The following CCNB3 variants were observed in gnomAD, a reference collection of about 807,000 sequenced individuals.
The protein encoded by CCNB3 is G2/mitotic-specific cyclin-B3.
A neutral mutation model predicts 68.0 loss-of-function variants in CCNB3; 12 were observed. The ratio of observed to expected loss-of-function variants is 0.18; its 90% CI spans 0.11 to 0.29. CCNB3 has a LOEUF of 0.29. Among genes scored for constraint, CCNB3 ranks in the 10% least tolerant of loss-of-function variants. CCNB3 has a pLI of 1.00. For missense variants in CCNB3, 904 were observed against 993.1 expected (o/e 0.91, Z 1.21); for synonymous variants, 354 against 388.9 (o/e 0.91, Z 1.06).
intron 9 of CCNB3, among the ~76,000 whole-genome samples, chrX:50,344,865 A>G (rs1923320930): frequency 9.0e-6 from 1 of 111,386 alleles, no homozygotes; most frequent in Non-Finnish European, 1.9e-5. Context: ...GTGCTAACTG[A>G]TCTTGTTCAA....
chrX:50,228,856 CTAGAATATATATG>C (rs1265873204), intron 1 of CCNB3, among the ~76,000 whole-genome samples: 41 of 53,615 alleles, frequency 7.6e-4, no homozygotes, highest in African/African-American at 1.9e-3. Flanking sequence ...GAATATATAT[CTAGAATATATATG>C]TAGAATATAT....
intron 8 of CCNB3, among the ~76,000 whole-genome samples, chrX:50,315,305 A>G (rs1557215620): frequency 8.9e-6 from 1 of 111,853 alleles, no homozygotes; most frequent in Non-Finnish European, 1.9e-5. Context: ...AGAAAATACC[A>G]TATTGTTTTT....
chrX:50,287,491 C>T (rs946229249), intron 3 of CCNB3, among the ~76,000 whole-genome samples: 4 of 111,874 alleles, frequency 3.6e-5, no homozygotes, highest in Non-Finnish European at 5.6e-5. Flanking sequence ...ACAGTTCATA[C>T]GAACTTTTAA....
intron 5 of CCNB3, among the ~76,000 whole-genome samples, chrX:50,307,624 A>AC (rs201091302): frequency 0.033 from 3,616 of 108,094 alleles, 170 homozygotes; most frequent in African/African-American, 0.12. Flanking sequence ...CTTTTTCAAT[A>AC]CCCCCCGTCC....
chrX:50,324,627 C>T (rs782424929), intron 8 of CCNB3, among the ~76,000 whole-genome samples: 204 of 111,806 alleles, frequency 1.8e-3, no homozygotes, highest in Middle Eastern at 4.6e-3. Flanking sequence ...TTAACATCTG[C>T]TTTTATTTTT....
At chrX:50,227,839 AGAGAATATATAAATATATATG>A (rs1339757834) in intron 1 of CCNB3, among the ~76,000 whole-genome samples, 10 of 84,036 alleles carry the variant, frequency 1.2e-4, no homozygotes, top group Admixed American at 1.1e-3. Flanking sequence ...AAATATATAT[AGAGAATATATAAATATATATG>A]GAGAATATAT....
At chrX:50,318,812 A>T (rs1005506154) in intron 8 of CCNB3, among the ~76,000 whole-genome samples, 3 of 111,126 alleles carry the variant, frequency 2.7e-5, no homozygotes, top group Non-Finnish European at 5.7e-5. Context: ...CTGTGCTTAA[A>T]CTCTTTATGC....
intron 1 of CCNB3, among the ~76,000 whole-genome samples, chrX:50,228,663 T>A (rs1326798226): frequency 1.2e-5 from 1 of 80,535 alleles, no homozygotes; most frequent in Non-Finnish European, 2.2e-5. Flanking sequence ...ATATATAGAA[T>A]ATATATAGAA....
intron 8 of CCNB3, 76 bp from the exon 9 acceptor site, chrX:50,342,126 A>C (rs782463700): frequency 8.9e-7 from 1 of 1,119,761 alleles, no homozygotes; most frequent in South Asian, 1.8e-5. Context: ...CAGATACTCC[A>C]GGTAGCTAGA....
chrX:50,205,771 T>A (rs1404059621), intron 1 of CCNB3, among the ~76,000 whole-genome samples: 85 of 77,099 alleles, frequency 1.1e-3, no homozygotes, highest in Middle Eastern at 0.024. Flanking sequence ...CTGGCCAACA[T>A]GGTGAAACCC....
chrX:50,212,732 T>C (rs1935502407), intron 1 of CCNB3, among the ~76,000 whole-genome samples: 1 of 111,258 alleles, frequency 9.0e-6, no homozygotes, highest in Non-Finnish European at 1.9e-5. Flanking sequence ...TCTGTCTCTA[T>C]ATATTTGCCT....
In CCNB3 at chrX:50,309,891, T is replaced by C. The variant is rs1203119579; in HGVS notation, c.1722T>C (p.Pro574=). The part of the protein sequence containing the change: ...FMEPMSFRKN[P]TTEETVLTKT... ...AGCCAATGTCATTTAGGAAGAACCCTACAACTGAGGAGACAGTACTTACCA... is the reference window on the plus strand; with the variant it reads ...AGCCAATGTCATTTAGGAAGAACCCCACAACTGAGGAGACAGTACTTACCA... The change falls in exon 6 of 13, where the codon CCT becomes CCC. Residue 574 remains proline (P), a synonymous_variant. Transcript: ENST00000376042. 8.3e-7 allele frequency: 1 copy of C among 1,209,151 alleles called. No individual in the cohort carries two copies. The highest frequency in any genetic ancestry group is 1.1e-6 in the Non-Finnish European group (1 of 894,631).
At chrX:50,226,043 A>G (rs1935754817) in intron 1 of CCNB3, among the ~76,000 whole-genome samples, 1 of 92,201 alleles carries the variant, frequency 1.1e-5, no homozygotes, top group Non-Finnish European at 2.1e-5. Flanking sequence ...TAGAATATAT[A>G]TACAAATATA....
chrX:50,317,543 T>TTATGTATTATG (rs1921787451), intron 8 of CCNB3, among the ~76,000 whole-genome samples: 1 of 99,683 alleles, frequency 1.0e-5, no homozygotes, highest in East Asian at 3.2e-4. Context: ...GTATTTAAAT[T>TTATGTATTATG]TATGTATGTA....
intron 9 of CCNB3, among the ~76,000 whole-genome samples, chrX:50,342,984 A>C (rs1174315328): frequency 1.8e-5 from 2 of 111,899 alleles, no homozygotes; most frequent in Non-Finnish European, 3.8e-5. Flanking sequence ...TGGGATTACA[A>C]GTGTGAGCCA....
rs368712672 is a variant in CCNB3 at position 50,311,279 on chromosome X, C to T, written c.3110C>T (p.Pro1037Leu). Residue 1037 changes from proline (P) to leucine (L), a missense_variant, in exon 6 of 13, where the codon CCC becomes CTC. Pro to Leu is a moderately conservative substitution (Grantham distance 98, BLOSUM62 -3). Coordinates refer to ENST00000376042, the MANE Select transcript of CCNB3 (RefSeq NM_033031.3). Reference sequence around the variant, plus strand: ...GAGCCATTGGCCTTACAAGAGAGTCCCACCTGCAAGGAAGACACCTTTCTG... The same window carrying T: ...GAGCCATTGGCCTTACAAGAGAGTCTCACCTGCAAGGAAGACACCTTTCTG... ...FKEPLALQESPTCKEDTFLET... is the reference protein window; with the variant it reads ...FKEPLALQESLTCKEDTFLET... The T allele has an allele frequency of 1.7e-6, 2 of 1,208,999 alleles. No homozygotes were observed. The highest frequency in any genetic ancestry group is 3.5e-5 in the African/African-American group (2 of 56,884).
intron 1 of CCNB3, among the ~76,000 whole-genome samples, chrX:50,279,619 T>A (rs1936058679): frequency 1.3e-5 from 1 of 75,335 alleles, no homozygotes; most frequent in African/African-American, 4.4e-5. Context: ...CATATGTACA[T>A]TCATCTATGT....
Position 50,310,556 on chromosome X carries a change from C to A in CCNB3, c.2387C>A (p.Thr796Asn). ...EGYPSIAEGE[T>N]LFKKLLAMQE... Reference sequence around the variant, plus strand: ...TATCCCAGCATTGCGGAGGGGGAGACCCTCTTCAAGAAGCTTTTGGCCATG... The same window carrying A: ...TATCCCAGCATTGCGGAGGGGGAGAACCTCTTCAAGAAGCTTTTGGCCATG... The change falls in exon 6 of 13, where the codon ACC becomes AAC. Residue 796 changes from threonine (T) to asparagine (N), a missense_variant. By Grantham distance (65) the Thr-to-Asn change is moderately conservative (BLOSUM62 0). Coordinates refer to ENST00000376042, the MANE Select transcript of CCNB3 (RefSeq NM_033031.3). 8.3e-7 allele frequency: 1 copy of A among 1,211,620 alleles called. No homozygotes were observed. The highest frequency in any genetic ancestry group is 1.1e-6 in the Non-Finnish European group (1 of 895,447).
intron 8 of CCNB3, chrX:50,341,646 A>C (rs1367073937): frequency 9.0e-6 from 1 of 110,681 alleles, no homozygotes; most frequent in East Asian, 2.8e-4. Flanking sequence ...CCCAAATGAA[A>C]TCAGAAAAGA....
Sources: allele counts gnomAD v4.1 joint callset (sites outside exome capture counted in the v4.1 genomes callset), GRCh38; gene constraint gnomAD v4.1.1; transcripts MANE v1.5; gene names NCBI Gene and HGNC (gene_info 2026-07-23, HGNC 2026-07-21).